Variants in PTCHD4 observed in about 807,000 individuals in gnomAD.
The protein encoded by PTCHD4 is patched domain containing 4.
A neutral mutation model predicts 58.1 loss-of-function variants in PTCHD4; 33 were observed. That is an observed-to-expected ratio of 0.57 (90% confidence interval 0.43 to 0.76). The LOEUF (loss-of-function observed/expected upper bound fraction) is 0.76, where lower values mean the gene tolerates loss of function less well. Among genes scored for constraint, PTCHD4 ranks in the 30% least tolerant of loss-of-function variants. PTCHD4 has a pLI of 0.00. For synonymous variants in PTCHD4, 478 were observed against 409.6 expected, an observed-to-expected ratio of 1.17 and a Z score of -2.02; for missense variants, 1,058 against 1,027.1, an observed-to-expected ratio of 1.03 and a Z score of -0.41.
At chr6:47,885,363 C>T (rs887239608) in intron 4 of PTCHD4, among the ~76,000 whole-genome samples, 3 of 151,996 alleles carry the variant, frequency 2.0e-5, no homozygotes, top group African/African-American at 7.3e-5. Flanking sequence ...CATGGTGTAA[C>T]AATAAGGAAA....
At chr6:47,995,960 A>G (rs1291939426) in intron 4 of PTCHD4, among the ~76,000 whole-genome samples, 1 of 152,114 alleles carries the variant, frequency 6.6e-6, no homozygotes, top group Non-Finnish European at 1.5e-5. Context: ...CAGTTTTCAA[A>G]CTTTTAACTT....
intron 4 of PTCHD4, among the ~76,000 whole-genome samples, chr6:47,906,922 T>C (rs1048325468): frequency 1.3e-5 from 2 of 152,202 alleles, no homozygotes; most frequent in Non-Finnish European, 2.9e-5. Context: ...TTATTACTCA[T>C]GCAGAAACTT....
intron 1 of PTCHD4, among the ~76,000 whole-genome samples, chr6:48,084,258 C>A (rs1238279138): frequency 6.6e-6 from 1 of 152,130 alleles, no homozygotes; most frequent in Non-Finnish European, 1.5e-5. Flanking sequence ...TCTCTGTATT[C>A]TACTGGATAC....
intron 1 of PTCHD4, among the ~76,000 whole-genome samples, chr6:48,078,802 T>C (rs1180748001): frequency 2.6e-5 from 4 of 152,156 alleles, no homozygotes; most frequent in Admixed American, 2.0e-4. Context: ...AGAATATATT[T>C]CTCTCTTAAT....
Position 47,862,489 on chromosome 6 carries a change from GTTTA to G in PTCHD4, c.*15810_*15813del, listed in dbSNP as rs900533493. ...AGAATGAAAAATAAAATATCAACCTGTTTATTTATTTGGTTTCCTGGCCATTTGT... is the reference window on the plus strand; with the variant it reads ...AGAATGAAAAATAAAATATCAACCTGTTTATTTGGTTTCCTGGCCATTTGT... On this transcript the variant is annotated 3_prime_UTR_variant, in exon 5 of 5. Coordinates refer to ENST00000339488, the MANE Select transcript of PTCHD4 (RefSeq NM_001384253.1). Among the ~76,000 whole-genome samples, 7 of 151,520 alleles carry G rather than the reference GTTTA, an allele frequency of 4.6e-5. No individual in the cohort carries two copies. Among genetic ancestry groups the G allele is most frequent in the Middle Eastern group, 3.4e-3 (1 of 292 alleles).
chr6:48,072,713 T>C (rs1048940635), intron 1 of PTCHD4, among the ~76,000 whole-genome samples: 3 of 152,176 alleles, frequency 2.0e-5, no homozygotes, highest in Admixed American at 6.5e-5. Context: ...ATGGTTTTTA[T>C]ATAACTATCT....
chr6:48,057,146 T>C (rs1416153662), intron 3 of PTCHD4, among the ~76,000 whole-genome samples: 1 of 152,032 alleles, frequency 6.6e-6, no homozygotes, highest in African/African-American at 2.4e-5. Context: ...GGGTAAAAAG[T>C]CTCTCCCTCC....
At chr6:48,003,637 G>C (rs1269046619) in intron 4 of PTCHD4, among the ~76,000 whole-genome samples, 1 of 152,112 alleles carries the variant, frequency 6.6e-6, no homozygotes, top group Non-Finnish European at 1.5e-5. Flanking sequence ...ATGTAATGTA[G>C]ACAAAAATAT....
At chr6:48,053,145 TA>T (rs888973556) in intron 3 of PTCHD4, among the ~76,000 whole-genome samples, 3 of 152,130 alleles carry the variant, frequency 2.0e-5, no homozygotes, top group Non-Finnish European at 4.4e-5. Context: ...TCAGGTTTGC[TA>T]AAACTAGTAA....
rs1315999469 is a variant in PTCHD4 at position 47,861,319 on chromosome 6, A to T, written c.*16984T>A. On this transcript the variant is annotated 3_prime_UTR_variant, in exon 5 of 5. Transcript: ENST00000339488. ...CTTTCATAAAACTATTTTTTAAAAA[A>T]ATTTTATTTGTGTCTCAATTCTTGC... Among the ~76,000 whole-genome samples the T allele has an allele frequency of 6.8e-6, 1 of 147,904 alleles. No individual in the cohort carries two copies. Among genetic ancestry groups the T allele is most frequent in the Non-Finnish European group, 1.5e-5 (1 of 66,982 alleles).
At chr6:47,905,813 A>C (rs940812874) in intron 4 of PTCHD4, among the ~76,000 whole-genome samples, 5 of 152,154 alleles carry the variant, frequency 3.3e-5, no homozygotes, top group Admixed American at 2.6e-4. Context: ...GCATCTCTCA[A>C]CCTCAGCTCC....
At chr6:48,055,024 A>C (rs1285076079) in intron 3 of PTCHD4, among the ~76,000 whole-genome samples, 1 of 152,224 alleles carries the variant, frequency 6.6e-6, no homozygotes, top group Non-Finnish European at 1.5e-5. Context: ...CCAAAGTCAT[A>C]CAGCAAGTAA....
At chr6:47,949,367 G>A (rs1766543451) in intron 4 of PTCHD4, among the ~76,000 whole-genome samples, 1 of 152,138 alleles carries the variant, frequency 6.6e-6, no homozygotes, top group South Asian at 2.1e-4. Context: ...TGACCAGGTG[G>A]GGCAGAAAGG....
At chr6:47,968,494 A>C (rs1159513596) in intron 4 of PTCHD4, among the ~76,000 whole-genome samples, 2 of 152,222 alleles carry the variant, frequency 1.3e-5, no homozygotes, top group African/African-American at 2.4e-5. Context: ...CAGTTGTCAC[A>C]AACCAGTCTG....
At chr6:48,067,517 C>A (rs886298383) in intron 3 of PTCHD4, among the ~76,000 whole-genome samples, 1 of 152,088 alleles carries the variant, frequency 6.6e-6, no homozygotes, top group Non-Finnish European at 1.5e-5. Context: ...TATGCAAACA[C>A]CCATACACAT....
intron 4 of PTCHD4, among the ~76,000 whole-genome samples, chr6:47,956,867 T>TA (rs986337589): frequency 5.9e-5 from 9 of 152,108 alleles, no homozygotes; most frequent in African/African-American, 1.9e-4. Context: ...TTCTATCATT[T>TA]AAAAAATTGC....
chr6:48,018,145 A>C (rs1447898319), intron 3 of PTCHD4, among the ~76,000 whole-genome samples: 1 of 152,234 alleles, frequency 6.6e-6, no homozygotes, highest in Non-Finnish European at 1.5e-5. Flanking sequence ...ATTTCCCAGC[A>C]AATGTTTGTA....
rs1763532678 is a variant in PTCHD4, at chr6:47,865,271, A to G, written c.*13032T>C. 6.6e-6 allele frequency among the ~76,000 whole-genome samples: 1 copy of G among 151,912 alleles called. No individual in the cohort carries two copies. Among genetic ancestry groups the G allele is most frequent in the Non-Finnish European group, 1.5e-5 (1 of 67,922 alleles). Reference sequence around the variant, plus strand: ...ATATTCGTTTCTTCCTCTTTGACTCATCTTTTATTTACTGAATTTAATTAA... The same window carrying G: ...ATATTCGTTTCTTCCTCTTTGACTCGTCTTTTATTTACTGAATTTAATTAA... On this transcript the variant is annotated 3_prime_UTR_variant, in exon 5 of 5. Coordinates refer to ENST00000339488, the MANE Select transcript of PTCHD4 (RefSeq NM_001384253.1).
In PTCHD4 at chr6:48,077,267, A is replaced by G. The variant is rs76309647; in HGVS notation, c.-969-7341T>C. 3.9e-5 allele frequency among the ~76,000 whole-genome samples: 6 copies of G among 152,358 alleles called. No homozygotes were observed. In the East Asian group the frequency reaches 1.2e-3, roughly 29 times the overall value. ...TTGGGAATGATCAATGTGGCACCAG[A>G]CATATCTGCTCCTTATAAGAGAGTC... is the stretch of plus-strand genomic sequence containing the variant. On this transcript the variant is annotated intron_variant, in intron 1 of 4. Coordinates refer to ENST00000339488, the MANE Select transcript of PTCHD4 (RefSeq NM_001384253.1).
Sources: gnomAD v4.1 joint callset for allele counts (sites outside exome capture counted in the v4.1 genomes callset) on GRCh38, gnomAD v4.1.1 for gene constraint, MANE v1.5 for transcripts, NCBI Gene and HGNC (gene_info 2026-07-23, HGNC 2026-07-21) for gene names.